The following PHF20 variants were observed in gnomAD, a reference collection of about 807,000 sequenced individuals.
PHF20 encodes PHD finger protein 20.
Under a neutral mutation model 113.5 loss-of-function variants are expected in PHF20, and 23 were observed. The observed-to-expected ratio is 0.20, with a 90% CI of 0.15 to 0.29. PHF20 has a LOEUF of 0.29. Ranked by LOEUF, PHF20 falls within the 10% of genes least tolerant of loss-of-function variation. The probability of loss-of-function intolerance (pLI) is 1.00; values close to 1 mark genes in which losing one functional copy is unlikely to be tolerated. For missense variants in PHF20, 943 were observed against 1,219.6 expected (o/e 0.77, Z 3.38); for synonymous variants, 434 against 457.3 (o/e 0.95, Z 0.65).
At chr20:35,944,445 T>A (rs2056049455) in intron 17 of PHF20, among the ~76,000 whole-genome samples, 1 of 152,206 alleles carries the variant, frequency 6.6e-6, no homozygotes, top group Non-Finnish European at 1.5e-5. Flanking sequence ...CCAAGGTAGT[T>A]AGGGTGACCT....
chr20:35,847,550 G>A lies in PHF20; in HGVS notation c.340+116G>A, dbSNP rs541209294. The A allele has an allele frequency of 1.6e-4, 100 of 638,368 alleles. 1 individual carries two copies. Among genetic ancestry groups the A allele is most frequent in the Middle Eastern group, 2.6e-4 (1 of 3,902 alleles). 39.5% of individuals were successfully genotyped at this position (638,368 alleles called of 1,614,324 possible). ...GTATTTATTTACTGCCTAGGTATCC[G>A]CTTTATTCAAGTTAATCACTATGTC... On this transcript the variant is annotated intron_variant, in intron 4 of 17. Transcript: ENST00000374012.
chr20:35,816,612 G>C (rs1009049257), intron 2 of PHF20, among the ~76,000 whole-genome samples: 3 of 151,778 alleles, frequency 2.0e-5, no homozygotes, highest in African/African-American at 7.3e-5. Flanking sequence ...ACCACACCCA[G>C]CTAATTTTAT....
intron 8 of PHF20, 91 bp downstream of exon 8, chr20:35,871,225 A>G: frequency 9.6e-7 from 1 of 1,040,460 alleles, no homozygotes; most frequent in Non-Finnish European, 1.5e-6. Context: ...TTCCACAAGT[A>G]TTAAATTGTC....
At chr20:35,875,897 G>A (rs1307023231) in intron 9 of PHF20, among the ~76,000 whole-genome samples, 2 of 152,148 alleles carry the variant, frequency 1.3e-5, no homozygotes, top group Non-Finnish European at 2.9e-5. Context: ...GGGGTCTTGG[G>A]CTATACTTTT....
At chr20:35,839,157 G>A (rs569178577) in intron 2 of PHF20, among the ~76,000 whole-genome samples, 3 of 152,074 alleles carry the variant, frequency 2.0e-5, no homozygotes, top group South Asian at 4.2e-4. Flanking sequence ...TTGGGAGGCC[G>A]AGGGGGGCGG....
chr20:35,810,469 A>G (rs1049254712), intron 2 of PHF20, among the ~76,000 whole-genome samples: 1 of 152,062 alleles, frequency 6.6e-6, no homozygotes, highest in Non-Finnish European at 1.5e-5. Context: ...TACATTCCCC[A>G]TTCTGAACCC....
intron 9 of PHF20, among the ~76,000 whole-genome samples, chr20:35,880,304 G>A (rs1433086307): frequency 6.6e-6 from 1 of 152,172 alleles, no homozygotes; most frequent in East Asian, 1.9e-4. Flanking sequence ...CATGACCATA[G>A]GGCGATTTCT....
intron 1 of PHF20, among the ~76,000 whole-genome samples, chr20:35,772,958 A>G (rs1223846804): frequency 6.6e-6 from 1 of 152,084 alleles, no homozygotes; most frequent in Non-Finnish European, 1.5e-5. Flanking sequence ...TGGGCCGAAA[A>G]CAATGTCCAA....
chr20:35,879,215 A>G (rs991015544), intron 9 of PHF20, among the ~76,000 whole-genome samples: 1 of 152,158 alleles, frequency 6.6e-6, no homozygotes, highest in Admixed American at 6.5e-5. Context: ...ATAACTTGTA[A>G]AGCTTCCCAC....
chr20:35,882,489 A>G (rs1320542402), intron 9 of PHF20, among the ~76,000 whole-genome samples: 1 of 152,162 alleles, frequency 6.6e-6, no homozygotes, highest in Non-Finnish European at 1.5e-5. Context: ...GTGTAATGGC[A>G]TGATCATAGC....
chr20:35,875,430 G>A (rs973706196), intron 9 of PHF20, among the ~76,000 whole-genome samples: 4 of 151,664 alleles, frequency 2.6e-5, no homozygotes, highest in East Asian at 3.9e-4. Flanking sequence ...AAAGAGTACC[G>A]AAGTATTCAT....
chr20:35,861,568 A>G (rs1430800530), intron 5 of PHF20, among the ~76,000 whole-genome samples: 1 of 152,186 alleles, frequency 6.6e-6, no homozygotes, highest in African/African-American at 2.4e-5. Flanking sequence ...CCAAATGGTC[A>G]TTAAGGATAT....
chr20:35,827,188 G>A (rs1052760023), intron 2 of PHF20, among the ~76,000 whole-genome samples: 5 of 152,092 alleles, frequency 3.3e-5, no homozygotes, highest in Non-Finnish European at 5.9e-5. Context: ...CGCAACCTCT[G>A]CCTCCTGGGT....
chr20:35,895,046 CAA>C (rs1402267036), intron 9 of PHF20, among the ~76,000 whole-genome samples: 3 of 151,582 alleles, frequency 2.0e-5, no homozygotes, highest in African/African-American at 7.3e-5. Flanking sequence ...TTTTTTGAGA[CAA>C]AGTCTCGCTC....
intron 1 of PHF20, among the ~76,000 whole-genome samples, chr20:35,790,682 A>G (rs900731976): frequency 6.6e-6 from 1 of 152,142 alleles, no homozygotes; most frequent in Non-Finnish European, 1.5e-5. Flanking sequence ...GTTCTGGCTC[A>G]TAACCGCTGT....
Position 35,792,354 on chromosome 20 carries a change from AT to A in PHF20, c.-32-9131del, listed in dbSNP as rs1284408356. Reference sequence around the variant, plus strand: ...AGGCACCTGCCACCACGCCCGGCTAATTTTTTGTATTTTTAGTAGAGACGGG... The same window carrying A: ...AGGCACCTGCCACCACGCCCGGCTAATTTTTGTATTTTTAGTAGAGACGGG... On this transcript the variant is annotated intron_variant, in intron 1 of 17. Transcript: ENST00000374012. Among the ~76,000 whole-genome samples, 33 of 137,744 alleles carry A rather than the reference AT, an allele frequency of 2.4e-4. 1 individual carries two copies. Among genetic ancestry groups the A allele is most frequent in the African/African-American group, 7.0e-4 (24 of 34,382 alleles). The allele number at this position is 137,744 out of a possible 152,430, so 90.4% of individuals were successfully genotyped here.
rs1394474471 is a variant in PHF20 at position 35,940,866 on chromosome 20, G to A, written c.2715G>A (p.Val905=). The change falls in exon 17 of 18, where the codon GTG becomes GTA. Residue 905 remains valine (V), a splice_region_variant and synonymous_variant. Transcript: ENST00000374012. ...DSDPKPGSPK[V]KEYVSKKALP... ...TTTCCATGCCATTGCATCCCCAGGTGAAGGAATATGTCTCCAAAAAGGCCC... is the reference window on the plus strand; with the variant it reads ...TTTCCATGCCATTGCATCCCCAGGTAAAGGAATATGTCTCCAAAAAGGCCC... The A allele has an allele frequency of 1.9e-6, 3 of 1,611,122 alleles. No homozygotes were observed. Among genetic ancestry groups the A allele is most frequent in the South Asian group, 2.2e-5 (2 of 90,788 alleles).
At chr20:35,794,942 A>C (rs1036764853) in intron 1 of PHF20, among the ~76,000 whole-genome samples, 27 of 152,128 alleles carry the variant, frequency 1.8e-4, no homozygotes, top group African/African-American at 6.5e-4. Context: ...CTGTAATCTC[A>C]GCACTTTGGG....
chr20:35,841,409 T>C (rs2042533474), intron 2 of PHF20, among the ~76,000 whole-genome samples: 1 of 152,012 alleles, frequency 6.6e-6, no homozygotes, highest in Non-Finnish European at 1.5e-5. Context: ...TTCTGAATCA[T>C]ATAACTGTAT....
Sources: gnomAD v4.1 joint callset for allele counts (sites outside exome capture counted in the v4.1 genomes callset) on GRCh38, gnomAD v4.1.1 for gene constraint, MANE v1.5 for transcripts, NCBI Gene and HGNC (gene_info 2026-07-23, HGNC 2026-07-21) for gene names.